The following ACTL6A variants were observed in gnomAD, a reference collection of about 807,000 sequenced individuals.
The protein encoded by ACTL6A is actin-like protein 6A.
In ACTL6A, 5 loss-of-function variants were observed where a neutral mutation model predicts 59.2. The ratio of observed to expected loss-of-function variants is 0.08; its 90% CI spans 0.04 to 0.18. The LOEUF (loss-of-function observed/expected upper bound fraction) is 0.18. Among genes scored for constraint, ACTL6A ranks in the 10% least tolerant of loss-of-function variants. ACTL6A has a pLI of 1.00. For missense variants in ACTL6A, 285 were observed against 526.9 expected (o/e 0.54, Z 4.49); for synonymous variants, 154 against 171.8 (o/e 0.90, Z 0.81).
At chr3:179,576,087 T>C (rs1718157782) in intron 5 of ACTL6A, 130 bp from the exon 6 acceptor site, 1 of 652,238 alleles carries the variant, frequency 1.5e-6, no homozygotes, top group Non-Finnish European at 2.6e-6. Context: ...CTAGATTCAC[T>C]GTAATACATT....
chr3:179,581,945 A>G (rs961558162), intron 11 of ACTL6A, among the ~76,000 whole-genome samples: 1 of 152,182 alleles, frequency 6.6e-6, no homozygotes, highest in Non-Finnish European at 1.5e-5. Flanking sequence ...ATGAGGACTT[A>G]CTTTATCTTA....
At position 179,567,387 on chromosome 3, in the gene ACTL6A, T is replaced by G. The variant is rs147918630; in HGVS notation, c.26-2437T>G. ...GTCTCAAAACATAAAAATAAATAAA[T>G]AAATAAAGAATAAAGACTCTGGTTT... On this transcript the variant is annotated intron_variant, in intron 1 of 13. Coordinates refer to ENST00000429709, the MANE Select transcript of ACTL6A (RefSeq NM_004301.5). 9.1e-3 allele frequency among the ~76,000 whole-genome samples: 1,389 copies of G among 151,996 alleles called. 12 individuals carry two copies. Among genetic ancestry groups the G allele is most frequent in the African/African-American group, 0.026 (1,076 of 41,432 alleles).
At position 179,570,570 on chromosome 3, in the gene ACTL6A, G is replaced by A. The variant is rs551171764; in HGVS notation, c.277+329G>A. On this transcript the variant is annotated intron_variant, in intron 3 of 13. Coordinates refer to ENST00000429709, the MANE Select transcript of ACTL6A (RefSeq NM_004301.5). This position sits in a 1 kb window ranked among gnomAD's most constrained non-coding sequence, Gnocchi z 4.3. ...ACTCTAGTGTTGGGAGTCAGTGATG[G>A]TTTTCACAAAGGAGGTAACATGATG... Among the ~76,000 whole-genome samples the A allele has an allele frequency of 1.2e-4, 19 of 152,162 alleles. No individual in the cohort carries two copies. Among genetic ancestry groups the A allele is most frequent in the Non-Finnish European group, 2.6e-4 (18 of 68,026 alleles).
intron 5 of ACTL6A, chr3:179,574,956 C>A (rs779216275): frequency 1.1e-5 from 2 of 179,442 alleles, no homozygotes; most frequent in Non-Finnish European, 1.2e-5. Context: ...GAAGCACGTC[C>A]TCTTGTCTGC....
At chr3:179,572,378 A>T (rs1718033627) in intron 3 of ACTL6A, among the ~76,000 whole-genome samples, 1 of 152,236 alleles carries the variant, frequency 6.6e-6, no homozygotes, top group African/African-American at 2.4e-5. Flanking sequence ...GCCTGTGGAA[A>T]TATATAATTA....
chr3:179,586,090 A>G (rs908370838), intron 12 of ACTL6A, among the ~76,000 whole-genome samples: 1 of 152,218 alleles, frequency 6.6e-6, no homozygotes, highest in African/African-American at 2.4e-5. Context: ...CACCAGATTT[A>G]TAGTGTTAGG....
At chr3:179,585,836 A>G (rs1028030476) in intron 12 of ACTL6A, among the ~76,000 whole-genome samples, 1 of 152,188 alleles carries the variant, frequency 6.6e-6, no homozygotes, top group African/African-American at 2.4e-5. Flanking sequence ...TTATCAAGAG[A>G]AAATGAGAGT....
At chr3:179,569,690 A>G in intron 1 of ACTL6A, 134 bp from the exon 2 acceptor site, 3 of 735,210 alleles carry the variant, frequency 4.1e-6, no homozygotes, top group South Asian at 3.4e-5. Flanking sequence ...TAAGAAATTC[A>G]TTGTAGTCCC....
chr3:179,569,756 C>A, intron 1 of ACTL6A, 68 bp from the exon 2 acceptor site: 1 of 1,338,928 alleles, frequency 7.5e-7, no homozygotes, highest in Non-Finnish European at 1.1e-6. Context: ...GTTGAGGCTG[C>A]AGTGAGCTGT....
chr3:179,570,004 T>TG lies in ACTL6A; in HGVS notation c.103-59dup. On this transcript the variant is annotated intron_variant, in intron 2 of 13. Transcript: ENST00000429709. This position sits in a 1 kb window ranked among gnomAD's most constrained non-coding sequence, Gnocchi z 4.3. The stretch of plus-strand genomic sequence containing the variant: ...ACAAAATATAATAAAATACATTAAT[T>TG]GGGGAAAAAATGCCTTCTTGATGAA... 36 of 1,579,618 alleles carry TG rather than the reference T, an allele frequency of 2.3e-5. No homozygotes were observed. Among genetic ancestry groups the TG allele is most frequent in the Non-Finnish European group, 3.1e-5 (36 of 1,161,614 alleles).
At chr3:179,587,873 A>T in intron 13 of ACTL6A, 57 bp from the exon 14 acceptor site, 1 of 1,491,144 alleles carries the variant, frequency 6.7e-7, no homozygotes, top group Non-Finnish European at 9.0e-7. Flanking sequence ...AAAATTTTTT[A>T]AGCCATTTCT....
chr3:179,582,923 G>A (rs1455784122), intron 11 of ACTL6A, among the ~76,000 whole-genome samples: 1 of 152,152 alleles, frequency 6.6e-6, no homozygotes, highest in African/African-American at 2.4e-5. Context: ...AATCTTGGGA[G>A]TTAAAAACCA....
At position 179,586,588 on chromosome 3, in the gene ACTL6A, C is replaced by T. The variant is rs199792283; in HGVS notation, c.1165C>T (p.Arg389Trp). 6.3e-7 allele frequency: 1 copy of T among 1,597,492 alleles called. No individual in the cohort carries two copies. The highest frequency in any genetic ancestry group is 8.5e-7 in the Non-Finnish European group (1 of 1,174,982). Residue 389 changes from arginine (R) to tryptophan (W), a missense_variant, in exon 13 of 14, where the codon CGG becomes TGG. Coordinates refer to ENST00000429709, the MANE Select transcript of ACTL6A (RefSeq NM_004301.5). The stretch of plus-strand genomic sequence containing the variant: ...GATTGCAAATAATACAACAGTGGAA[C>T]GGAGGTTTAGCTCATGGATTGGCGG... ...KLIANNTTVE[R>W]RFSSWIGGSI...
At chr3:179,573,973 T>G (rs1247675952) in intron 4 of ACTL6A, among the ~76,000 whole-genome samples, 1 of 152,218 alleles carries the variant, frequency 6.6e-6, no homozygotes, top group East Asian at 1.9e-4. Flanking sequence ...GTTACTAACT[T>G]ACAGTATTCT....
chr3:179,581,534 C>T (rs1028836731), intron 11 of ACTL6A, among the ~76,000 whole-genome samples: 1 of 152,124 alleles, frequency 6.6e-6, no homozygotes, highest in African/African-American at 2.4e-5. Context: ...TCAGACAGCG[C>T]AGATATAGAA....
intron 12 of ACTL6A, 87 bp downstream of exon 12, chr3:179,583,535 C>A: frequency 1.0e-6 from 1 of 970,552 alleles, no homozygotes; most frequent in East Asian, 2.4e-5. Flanking sequence ...GTCCATTTTT[C>A]AATAGATACA....
chr3:179,581,627 G>GA (rs1288936559), intron 11 of ACTL6A, among the ~76,000 whole-genome samples: 2 of 152,178 alleles, frequency 1.3e-5, no homozygotes, highest in African/African-American at 4.8e-5. Flanking sequence ...TATTGTTGGT[G>GA]ATTTTCTTAC....
chr3:179,568,746 A>G (rs1717914909), intron 1 of ACTL6A, among the ~76,000 whole-genome samples: 1 of 152,154 alleles, frequency 6.6e-6, no homozygotes, highest in African/African-American at 2.4e-5. Context: ...CCATTAGATT[A>G]TTTCTGCCTT....
chr3:179,563,256 C>G, intron 1 of ACTL6A, 139 bp downstream of exon 1: 1 of 1,378,120 alleles, frequency 7.3e-7, no homozygotes, highest in South Asian at 1.4e-5. Context: ...CCCGTCCCCG[C>G]CCCACGCTCT....
Sources: gnomAD v4.1 joint callset for allele counts (sites outside exome capture counted in the v4.1 genomes callset) on GRCh38, gnomAD v4.1.1 for gene constraint, Gnocchi (gnomAD v3.1) non-coding constraint, MANE v1.5 for transcripts, NCBI Gene and HGNC (gene_info 2026-07-23, HGNC 2026-07-21) for gene names.